ZFYVE28: variants seen among roughly 807,000 people sequenced by gnomAD.
ZFYVE28 encodes the protein zinc finger FYVE-type containing 28.
ZFYVE28 carries 40 observed loss-of-function variants against 82.1 expected under a neutral mutation model. That is an observed-to-expected ratio of 0.49 (90% confidence interval 0.38 to 0.63). The LOEUF is 0.63. Among genes scored for constraint, ZFYVE28 ranks in the 30% least tolerant of loss-of-function variants. The pLI is 0.00. For missense variants in ZFYVE28, 1,321 were observed against 1,242.1 expected (o/e 1.06, Z -0.96); for synonymous variants, 612 against 546.1 (o/e 1.12, Z -1.68).
At position 2,305,391 on chromosome 4, in the gene ZFYVE28, CAG is replaced by C; in HGVS notation, c.947_948del (p.Pro316ArgfsTer7). The C allele has an allele frequency of 6.2e-7, 1 of 1,612,704 alleles. No individual in the cohort carries two copies. The highest frequency in any genetic ancestry group is 8.5e-7 in the Non-Finnish European group (1 of 1,179,826). ...LAPALSAPLPPEGPLSAKAKD... is the reference protein window; with the variant it reads ...LAPALSAPLPXEGPLSAKAKD... The stretch of plus-strand genomic sequence containing the variant: ...TTGGCCTTAGCTGAGAGTGGCCCCT[CAG>C]GGGGGAGAGGGGCAGAGAGGGCAGG... On this transcript the variant is annotated frameshift_variant, in exon 8 of 13. Coordinates refer to ENST00000290974, the MANE Select transcript of ZFYVE28 (RefSeq NM_020972.3). LOFTEE classifies it high-confidence loss of function.
chr4:2,274,846 G>T (rs1002783226), intron 8 of ZFYVE28, among the ~76,000 whole-genome samples: 1 of 138,356 alleles, frequency 7.2e-6, no homozygotes, highest in Non-Finnish European at 1.5e-5. Flanking sequence ...CCAACCCAAG[G>T]AACACCTGGA....
At chr4:2,359,992 G>A (rs759684268) in intron 1 of ZFYVE28, among the ~76,000 whole-genome samples, 12 of 152,086 alleles carry the variant, frequency 7.9e-5, no homozygotes, top group East Asian at 1.9e-4. Flanking sequence ...CCTGAGCCTC[G>A]GAGCCTTTAC....
chr4:2,281,231 G>A (rs927442247), intron 8 of ZFYVE28, among the ~76,000 whole-genome samples: 2 of 152,164 alleles, frequency 1.3e-5, no homozygotes, highest in Admixed American at 6.5e-5. Context: ...GGCTTGGAAG[G>A]GCCAAAGGGA....
chr4:2,377,843 A>G (rs1388165854), intron 1 of ZFYVE28, among the ~76,000 whole-genome samples: 1 of 152,194 alleles, frequency 6.6e-6, no homozygotes, highest in Non-Finnish European at 1.5e-5. Flanking sequence ...AATTGACTTC[A>G]TTATTGTGCA....
rs75455252 is a variant in ZFYVE28 at position 2,350,155 on chromosome 4, A to G, written c.180+3778T>C. Among the ~76,000 whole-genome samples the G allele has an allele frequency of 9.0e-3, 1,372 of 152,286 alleles. 27 individuals are homozygous for G. The highest frequency in any genetic ancestry group is 0.032 in the African/African-American group (1,321 of 41,550). ...TCTACAAAAAGCTGCCAGAAATAAT[A>G]AGTGTATTTAGAAAGTATGATATTG... On this transcript the variant is annotated intron_variant, in intron 2 of 12. Coordinates refer to ENST00000290974, the MANE Select transcript of ZFYVE28 (RefSeq NM_020972.3).
intron 1 of ZFYVE28, among the ~76,000 whole-genome samples, chr4:2,397,670 C>T (rs1730626556): frequency 6.6e-6 from 1 of 152,066 alleles, no homozygotes; most frequent in Non-Finnish European, 1.5e-5. Flanking sequence ...TGGAATCAGA[C>T]AATATTAGTC....
chr4:2,364,903 C>T, intron 1 of ZFYVE28: 1 of 985,530 alleles, frequency 1.0e-6, no homozygotes. Context: ...AGAGGCGGCG[C>T]GGAGGGACAG....
intron 1 of ZFYVE28, among the ~76,000 whole-genome samples, chr4:2,388,899 C>G (rs1218749904): frequency 1.3e-5 from 2 of 152,194 alleles, no homozygotes; most frequent in African/African-American, 4.8e-5. Flanking sequence ...TCTAGGAACA[C>G]AGCTTACCCT....
chr4:2,363,900 C>G (rs889491429), intron 1 of ZFYVE28, among the ~76,000 whole-genome samples: 1 of 152,200 alleles, frequency 6.6e-6, no homozygotes, highest in Non-Finnish European at 1.5e-5. Flanking sequence ...CAAATCCACC[C>G]AAGATCCCAC....
chr4:2,276,197 A>G (rs2108800014), intron 8 of ZFYVE28, among the ~76,000 whole-genome samples: 1 of 150,810 alleles, frequency 6.6e-6, no homozygotes, highest in African/African-American at 2.5e-5. Flanking sequence ...CCCCTCCCTC[A>G]TGGCAATGTG....
chr4:2,408,617 C>T lies in ZFYVE28; in HGVS notation c.39+9668G>A, dbSNP rs1192225120. 6.6e-6 allele frequency among the ~76,000 whole-genome samples: 1 copy of T among 152,190 alleles called. No individual in the cohort carries two copies. Among genetic ancestry groups the T allele is most frequent in the African/African-American group, 2.4e-5 (1 of 41,432 alleles). On this transcript the variant is annotated intron_variant, in intron 1 of 12. Coordinates refer to ENST00000290974, the MANE Select transcript of ZFYVE28 (RefSeq NM_020972.3). This position sits in a 1 kb window ranked among gnomAD's most constrained non-coding sequence, Gnocchi z 4.3. ...GGTAAGCCCCATCTAGATGAAGCCC[C>T]ACCCAGGTAAGCCCACCTAGATGAT... is the stretch of plus-strand genomic sequence containing the variant.
intron 1 of ZFYVE28, among the ~76,000 whole-genome samples, chr4:2,368,211 CAAAA>C (rs34092714): frequency 3.5e-5 from 3 of 86,190 alleles, no homozygotes; most frequent in Non-Finnish European, 4.4e-5. Flanking sequence ...CACATCTCTA[CAAAA>C]AAAAAAAAAA....
chr4:2,346,341 CA>C (rs533714412), intron 2 of ZFYVE28, among the ~76,000 whole-genome samples: 163 of 98,026 alleles, frequency 1.7e-3, no homozygotes, highest in Admixed American at 2.9e-3. Context: ...GACTCCATCT[CA>C]AAAAAAAAAA....
chr4:2,306,079 G>A (rs371837327), intron 7 of ZFYVE28, among the ~76,000 whole-genome samples: 18 of 152,372 alleles, frequency 1.2e-4, no homozygotes, highest in Middle Eastern at 3.4e-3. Context: ...AATGACAGCT[G>A]CAACCAAAGA....
intron 1 of ZFYVE28, among the ~76,000 whole-genome samples, chr4:2,369,794 G>A (rs1381652868): frequency 2.0e-5 from 3 of 149,718 alleles, no homozygotes; most frequent in Non-Finnish European, 3.0e-5. Flanking sequence ...CCCACACCAC[G>A]ACCTCAGACT....
At position 2,362,772 on chromosome 4, in the gene ZFYVE28, C is replaced by A. The variant is rs915434093; in HGVS notation, c.40-8699G>T. Among the ~76,000 whole-genome samples, 6 of 152,170 alleles carry A rather than the reference C, an allele frequency of 3.9e-5. No individual in the cohort carries two copies. The highest frequency in any genetic ancestry group is 1.2e-4 in the African/African-American group (5 of 41,458). ...TGTTGCTACTGTCTCCCTCCCCATC[C>A]ATCTGTCCCCTTTCTCTGCCCTCCT... On this transcript the variant is annotated intron_variant, in intron 1 of 12. Coordinates refer to ENST00000290974, the MANE Select transcript of ZFYVE28 (RefSeq NM_020972.3). The surrounding 1 kb of genome is among the most constrained non-coding windows in gnomAD (Gnocchi z 5.1).
chr4:2,337,226 A>T (rs1416113698), intron 5 of ZFYVE28, among the ~76,000 whole-genome samples, 181 bp downstream of exon 5: 1 of 151,942 alleles, frequency 6.6e-6, no homozygotes, highest in Non-Finnish European at 1.5e-5. Context: ...GGTGGCCTCT[A>T]CCCTCTGCCC....
At chr4:2,352,521 G>A (rs1387231296) in intron 2 of ZFYVE28, among the ~76,000 whole-genome samples, 1 of 151,572 alleles carries the variant, frequency 6.6e-6, no homozygotes, top group South Asian at 2.1e-4. Flanking sequence ...AAGTGAGCCC[G>A]AATCAGATGA....
rs902010650 is a variant in ZFYVE28 at position 2,404,915 on chromosome 4, G to T, written c.39+13370C>A. Among the ~76,000 whole-genome samples the T allele has an allele frequency of 2.1e-5, 3 of 145,656 alleles. No homozygotes were observed. In the Admixed American group the frequency reaches 2.1e-4, roughly 10 times the overall value. ...TGCTCTGTCACCCTTGCCCAGGCTG[G>T]AGTGCAGTGGCACAGTCGTAGTTCA... On this transcript the variant is annotated intron_variant, in intron 1 of 12. Coordinates refer to ENST00000290974, the MANE Select transcript of ZFYVE28 (RefSeq NM_020972.3).
Sources: gnomAD v4.1 joint callset for allele counts (sites outside exome capture counted in the v4.1 genomes callset) on GRCh38, gnomAD v4.1.1 for gene constraint, Gnocchi (gnomAD v3.1) non-coding constraint, MANE v1.5 for transcripts, NCBI Gene and HGNC (gene_info 2026-07-23, HGNC 2026-07-21) for gene names.